The following CD300LF variants were observed in gnomAD, a reference collection of about 807,000 sequenced individuals.
The protein encoded by CD300LF is CD300 molecule like family member f, also known as CMRF35-like molecule 1.
A neutral mutation model predicts 32.2 loss-of-function variants in CD300LF; 27 were observed. That is an observed-to-expected ratio of 0.84 (90% CI 0.62 to 1.15). The LOEUF (loss-of-function observed/expected upper bound fraction) is 1.15, where lower values mean the gene tolerates loss of function less well. Ranked by LOEUF, CD300LF falls within the 50% of genes most tolerant of loss-of-function variation. The pLI is 0.00. For synonymous variants in CD300LF, 139 were observed against 143.2 expected (o/e 0.97, Z 0.21); for missense variants, 348 against 356.8 (o/e 0.98, Z 0.20).
chr17:74,697,191 G>A (rs1414435180), intron 4 of CD300LF, among the ~76,000 whole-genome samples: 6 of 152,184 alleles, frequency 3.9e-5, no homozygotes, highest in South Asian at 2.1e-4. Context: ...TGATCCACCC[G>A]CCTCAACCTC....
At chr17:74,703,217 C>T (rs2033223413) in intron 2 of CD300LF, 119 bp from the exon 3 acceptor site, 3 of 1,237,826 alleles carry the variant, frequency 2.4e-6, no homozygotes, top group South Asian at 1.3e-5. Flanking sequence ...GCCCTGCACA[C>T]AGCTCTGAGC....
chr17:74,705,493 T>C, intron 1 of CD300LF: 1 of 480,958 alleles, frequency 2.1e-6, no homozygotes, highest in Non-Finnish European at 3.8e-6. Context: ...TTGTCCACCT[T>C]TCTGCCAATC....
chr17:74,695,870 G>C lies in CD300LF; in HGVS notation c.583-11C>G, dbSNP rs1021468831. On this transcript the variant is annotated splice_polypyrimidine_tract_variant and intron_variant, in intron 5 of 6. Coordinates refer to ENST00000326165, the MANE Select transcript of CD300LF (RefSeq NM_139018.5). ...CAGGGGCTGCAGTACCTGGGACAGG[G>C]AACACAGGCTGGGGAGTCACAAGAT... 1 of 1,611,234 alleles carries C rather than the reference G, an allele frequency of 6.2e-7. No homozygotes were observed. Among genetic ancestry groups the C allele is most frequent in the African/African-American group, 1.3e-5 (1 of 74,888 alleles).
intron 3 of CD300LF, among the ~76,000 whole-genome samples, chr17:74,702,232 AG>A (rs1484479610): frequency 6.6e-6 from 1 of 152,008 alleles, no homozygotes; most frequent in African/African-American, 2.4e-5. Flanking sequence ...AAGAAATTAA[AG>A]GGGACGTTCC....
At chr17:74,700,408 T>A (rs2032939392) in intron 3 of CD300LF, among the ~76,000 whole-genome samples, 1 of 152,034 alleles carries the variant, frequency 6.6e-6, no homozygotes, top group African/African-American at 2.4e-5. Context: ...CCTCCAGAGC[T>A]CTGTGTGGCT....
intron 1 of CD300LF, among the ~76,000 whole-genome samples, chr17:74,706,142 C>A (rs2143809585): frequency 6.6e-6 from 1 of 152,058 alleles, no homozygotes; most frequent in Admixed American, 6.6e-5. Flanking sequence ...AAAAAACTAC[C>A]AATTGGGTAC....
chr17:74,700,386 A>G (rs552147832), intron 3 of CD300LF, among the ~76,000 whole-genome samples: 1 of 152,096 alleles, frequency 6.6e-6, no homozygotes, highest in African/African-American at 2.4e-5. Context: ...ATTTTTCTCC[A>G]GGAACATGCT....
At chr17:74,705,413 T>C (rs2033427454) in intron 1 of CD300LF, 4 of 539,562 alleles carry the variant, frequency 7.4e-6, no homozygotes, top group Non-Finnish European at 1.3e-5. Context: ...CCACTTTCTT[T>C]AATGAATTGC....
rs774904081 is a variant in CD300LF, at chr17:74,703,131, G to A, written c.383-33C>T. On this transcript the variant is annotated intron_variant, in intron 2 of 6. Transcript: ENST00000326165. ...CGTAGTGGAGGTAGGCGTGGTGGGG[G>A]CAGGAGTCGACGCTGTAGTTGATGC... is the stretch of plus-strand genomic sequence containing the variant. The A allele has an allele frequency of 9.9e-6, 16 of 1,613,354 alleles. No individual in the cohort carries two copies. In the South Asian group the frequency reaches 1.6e-4, roughly 17 times the overall value.
intron 2 of CD300LF, among the ~76,000 whole-genome samples, chr17:74,703,311 A>G (rs920504721): frequency 4.6e-5 from 7 of 152,098 alleles, no homozygotes; most frequent in Non-Finnish European, 7.4e-5. Flanking sequence ...GAGACTCCAG[A>G]GCCTCATAGG....
intron 1 of CD300LF, among the ~76,000 whole-genome samples, chr17:74,709,535 T>C (rs1318917470): frequency 6.6e-6 from 1 of 152,188 alleles, no homozygotes; most frequent in Non-Finnish European, 1.5e-5. Context: ...AAAAAGACTT[T>C]TAGGACACCA....
intron 3 of CD300LF, among the ~76,000 whole-genome samples, chr17:74,701,258 A>T (rs1467626521): frequency 6.6e-6 from 1 of 152,246 alleles, no homozygotes; most frequent in African/African-American, 2.4e-5. Flanking sequence ...ATTTGGTTAC[A>T]CTAATTAGCT....
chr17:74,704,758 G>T lies in CD300LF; in HGVS notation c.102C>A (p.Gly34=), dbSNP rs1256838363. ...GPTTVNGLER[G]SLTVQCVYRS... is the part of the protein sequence containing the mutation. ...TGTAAACACACTGCACGGTCAAGGA[G>T]CCCCGCTCCAAGCCATTCACTGTTG... The change falls in exon 2 of 7, where the codon GGC becomes GGA. Residue 34 remains glycine, a synonymous_variant. Coordinates refer to ENST00000326165, the MANE Select transcript of CD300LF (RefSeq NM_139018.5). 1 of 1,614,154 alleles carries T rather than the reference G, an allele frequency of 6.2e-7. No homozygotes were observed. Among genetic ancestry groups the T allele is most frequent in the Admixed American group, 1.7e-5 (1 of 60,006 alleles).
chr17:74,708,698 G>A (rs11077760), intron 1 of CD300LF, among the ~76,000 whole-genome samples: 20 of 152,028 alleles, frequency 1.3e-4, no homozygotes, highest in African/African-American at 4.8e-4. Flanking sequence ...GGGCGGATCA[G>A]GAGGTGAGGA....
chr17:74,706,787 T>C lies in CD300LF; in HGVS notation c.44-1971A>G, dbSNP rs560691620. On this transcript the variant is annotated intron_variant, in intron 1 of 6. Coordinates refer to ENST00000326165, the MANE Select transcript of CD300LF (RefSeq NM_139018.5). ...GGGGTGAGGACCACGGCAGCCTGGA[T>C]TGGAGAGCAGGGTATCCATGCGAAG... Among the ~76,000 whole-genome samples, 4 of 152,308 alleles carry C rather than the reference T, an allele frequency of 2.6e-5. No individual in the cohort carries two copies. In the East Asian group the frequency reaches 7.7e-4, roughly 29 times the overall value.
Position 74,705,160 on chromosome 17 carries a change from G to A in CD300LF, c.44-344C>T, listed in dbSNP as rs1012946087. ...AGCCATCTTTGTGTTAGTCCAGTGTGGTGGGGAGGAAATACCAGGAGACCC... is the reference window on the plus strand; with the variant it reads ...AGCCATCTTTGTGTTAGTCCAGTGTAGTGGGGAGGAAATACCAGGAGACCC... On this transcript the variant is annotated intron_variant, in intron 1 of 6. Transcript: ENST00000326165. 1.0e-5 allele frequency: 7 copies of A among 692,046 alleles called. No individual in the cohort carries two copies. The African/African-American group carries it at 1.2e-4, about 12-fold the overall frequency. The allele number at this position is 692,046 out of a possible 1,614,324, so 42.9% of individuals were successfully genotyped here.
intron 3 of CD300LF, among the ~76,000 whole-genome samples, chr17:74,699,889 C>T (rs1285166882): frequency 1.3e-5 from 2 of 152,028 alleles, no homozygotes; most frequent in African/African-American, 4.8e-5. Context: ...ACCTGTAATC[C>T]CAGCAACTTG....
At chr17:74,698,248 G>T (rs1598214664) in intron 4 of CD300LF, 121 bp downstream of exon 4, 3 of 738,014 alleles carry the variant, frequency 4.1e-6, no homozygotes, top group East Asian at 2.7e-5. Context: ...GCTGCTGAGG[G>T]CCTTTGGGAC....
intron 6 of CD300LF, 135 bp from the exon 7 acceptor site, chr17:74,695,386 C>A: frequency 9.3e-7 from 1 of 1,077,990 alleles, no homozygotes; most frequent in South Asian, 1.6e-5. Flanking sequence ...CCAGCTTCCC[C>A]CTTCACTCTG....
Sources: gnomAD v4.1 joint callset for allele counts (sites outside exome capture counted in the v4.1 genomes callset) on GRCh38, gnomAD v4.1.1 for gene constraint, MANE v1.5 for transcripts, NCBI Gene and HGNC (gene_info 2026-07-23, HGNC 2026-07-21) for gene names.